Variants in NTRK3 observed in about 807,000 individuals in gnomAD.
NTRK3 encodes neurotrophic receptor tyrosine kinase 3.
A neutral mutation model predicts 91.7 loss-of-function variants in NTRK3; 24 were observed. The ratio of observed to expected loss-of-function variants is 0.26; its 90% CI spans 0.19 to 0.37. NTRK3 has a LOEUF of 0.37. Ranked by LOEUF, NTRK3 falls within the 10% of genes least tolerant of loss-of-function variation. The pLI is 1.00. For synonymous variants in NTRK3, 483 were observed against 404.0 expected, an observed-to-expected ratio of 1.20 and a Z score of -2.34; for missense variants, 880 against 1,068.9, an observed-to-expected ratio of 0.82 and a Z score of 2.46.
At chr15:87,997,686 G>T (rs2075802650) in intron 14 of NTRK3, among the ~76,000 whole-genome samples, 1 of 152,092 alleles carries the variant, frequency 6.6e-6, no homozygotes. Context: ...TGTGTTCTTT[G>T]ATTCCTAGGG....
intron 13 of NTRK3, among the ~76,000 whole-genome samples, chr15:88,106,618 C>T (rs761138951): frequency 2.0e-5 from 3 of 152,132 alleles, no homozygotes; most frequent in Non-Finnish European, 2.9e-5. Context: ...ACCATTTTCA[C>T]TTAAGTGTAC....
At chr15:88,087,038 A>G (rs1402049714) in intron 13 of NTRK3, among the ~76,000 whole-genome samples, 1 of 152,224 alleles carries the variant, frequency 6.6e-6, no homozygotes, top group Non-Finnish European at 1.5e-5. Context: ...TGGGTCACAG[A>G]GAGGTTTCCA....
At chr15:88,153,263 A>T (rs1361336335) in intron 5 of NTRK3, among the ~76,000 whole-genome samples, 1 of 151,696 alleles carries the variant, frequency 6.6e-6, no homozygotes, top group East Asian at 1.9e-4. Flanking sequence ...TTTTTTTGAG[A>T]TGGAGTTTCA....
intron 17 of NTRK3, among the ~76,000 whole-genome samples, chr15:87,893,872 T>C (rs8029826): frequency 0.098 from 14,914 of 152,214 alleles, 1,508 homozygotes; most frequent in African/African-American, 0.26. Flanking sequence ...GGATTCAAGC[T>C]TCCTCTGTAT....
chr15:88,101,015 T>C (rs2050119105), intron 13 of NTRK3, among the ~76,000 whole-genome samples: 1 of 151,984 alleles, frequency 6.6e-6, no homozygotes, highest in Non-Finnish European at 1.5e-5. Flanking sequence ...AATTGACAAA[T>C]GGGATCTAAT....
At chr15:88,130,737 A>G (rs937292417) in intron 10 of NTRK3, among the ~76,000 whole-genome samples, 3 of 152,262 alleles carry the variant, frequency 2.0e-5, no homozygotes, top group African/African-American at 7.2e-5. Flanking sequence ...CATGAAAGAC[A>G]AAGACTAGGG....
intron 7 of NTRK3, 131 bp downstream of exon 7, chr15:88,137,273 C>G (rs2041963901): frequency 9.7e-7 from 1 of 1,028,358 alleles, no homozygotes; most frequent in Admixed American, 2.0e-5. Flanking sequence ...CTGCACACAA[C>G]TGCAGAGTTC....
chr15:88,227,976 A>C (rs1598062894), intron 3 of NTRK3, among the ~76,000 whole-genome samples: 1 of 151,926 alleles, frequency 6.6e-6, no homozygotes, highest in South Asian at 2.1e-4. Context: ...TTCAGCCCTC[A>C]CCTCTAGACA....
rs530858135 is a variant in NTRK3, at chr15:88,104,381, G to A, written c.1396+21890C>T. On this transcript the variant is annotated intron_variant, in intron 13 of 18. Transcript: ENST00000394480. ...AAGATGCACATTTCCTTAGAACAAC[G>A]TTTATCTTTCCGACTGTAACCTGAG... Among the ~76,000 whole-genome samples, 12 of 152,274 alleles carry A rather than the reference G, an allele frequency of 7.9e-5. No individual in the cohort carries two copies. In the East Asian group the frequency reaches 2.1e-3, roughly 27 times the overall value.
At chr15:88,121,418 C>G (rs973272451) in intron 13 of NTRK3, among the ~76,000 whole-genome samples, 1 of 152,134 alleles carries the variant, frequency 6.6e-6, no homozygotes, top group Non-Finnish European at 1.5e-5. Context: ...GTCTGGGCCT[C>G]GGTTTCTTCA....
chr15:88,076,522 T>C (rs2047556028), intron 13 of NTRK3, among the ~76,000 whole-genome samples: 1 of 152,138 alleles, frequency 6.6e-6, no homozygotes, highest in Admixed American at 6.5e-5. Context: ...ATTGATGGTT[T>C]CATTTATTCA....
chr15:87,862,276 G>A (rs889277137), exon 19 of NTRK3: 60 of 223,868 alleles, frequency 2.7e-4, no homozygotes, highest in South Asian at 1.1e-3. Context: ...AGAAATCATC[G>A]TTCCACTGAA....
chr15:87,913,613 G>T (rs1043950946), intron 17 of NTRK3, among the ~76,000 whole-genome samples: 1 of 152,096 alleles, frequency 6.6e-6, no homozygotes, highest in African/African-American at 2.4e-5. Flanking sequence ...TACCCTCCCT[G>T]GGGCATGTAA....
At chr15:88,126,322 G>A in exon 13 of NTRK3, 2 of 1,614,030 alleles carry the variant, frequency 1.2e-6, no homozygotes, top group Non-Finnish European at 1.7e-6. Flanking sequence ...ATGACGAAGA[G>A]AACCACCAAC....
At chr15:88,013,337 C>T (rs2141798005) in intron 14 of NTRK3, among the ~76,000 whole-genome samples, 1 of 152,338 alleles carries the variant, frequency 6.6e-6, no homozygotes, top group South Asian at 2.1e-4. Context: ...AGGGTTCCTT[C>T]TCTAACCCAG....
chr15:87,984,183 C>A (rs2074537353), intron 14 of NTRK3, among the ~76,000 whole-genome samples: 1 of 152,156 alleles, frequency 6.6e-6, no homozygotes. Context: ...TCTGAGAATA[C>A]CCTTGGTAAG....
intron 14 of NTRK3, among the ~76,000 whole-genome samples, chr15:88,020,717 CA>C (rs1429642083): frequency 6.6e-6 from 1 of 152,186 alleles, no homozygotes; most frequent in Non-Finnish European, 1.5e-5. Flanking sequence ...GTCTTGCCCA[CA>C]GTCATGCAGT....
intron 17 of NTRK3, among the ~76,000 whole-genome samples, chr15:87,910,361 G>T (rs1279429867): frequency 2.0e-5 from 3 of 152,186 alleles, no homozygotes; most frequent in African/African-American, 7.2e-5. Context: ...GACATAGCAG[G>T]CTGGTGATAA....
intron 14 of NTRK3, among the ~76,000 whole-genome samples, chr15:88,009,698 A>G (rs527914275): frequency 6.6e-6 from 1 of 152,286 alleles, no homozygotes; most frequent in South Asian, 2.1e-4. Context: ...TGCTTTGCAG[A>G]TATGATGTTA....
Sources: gnomAD v4.1 joint callset for allele counts (sites outside exome capture counted in the v4.1 genomes callset) on GRCh38, gnomAD v4.1.1 for gene constraint, MANE v1.5 for transcripts, NCBI Gene and HGNC (gene_info 2026-07-23, HGNC 2026-07-21) for gene names.